Variants in ZDHHC14 observed in about 807,000 individuals in gnomAD.
ZDHHC14 encodes the protein palmitoyltransferase ZDHHC14.
ZDHHC14 carries 16 observed loss-of-function variants against 47.7 expected under a neutral mutation model. That is an observed-to-expected ratio of 0.34 (90% CI 0.23 to 0.51). The LOEUF (loss-of-function observed/expected upper bound fraction) is 0.51. ZDHHC14 is among the 20% of genes least tolerant of loss of function. ZDHHC14 has a pLI of 0.97. For synonymous variants in ZDHHC14, 293 were observed against 278.9 expected (o/e 1.05, Z -0.50); for missense variants, 515 against 662.5 (o/e 0.78, Z 2.44).
At chr6:157,516,234 T>G (rs534211075) in intron 1 of ZDHHC14, among the ~76,000 whole-genome samples, 1 of 152,392 alleles carries the variant, frequency 6.6e-6, no homozygotes, top group Admixed American at 6.5e-5. Context: ...TGTAACTTAT[T>G]ACTACATTCT....
In ZDHHC14 at chr6:157,574,548, T is replaced by A. The variant is rs148235458; in HGVS notation, c.407-18440T>A. Among the ~76,000 whole-genome samples the A allele has an allele frequency of 4.6e-3, 696 of 152,234 alleles. 8 individuals are homozygous for A. Among genetic ancestry groups the A allele is most frequent in the African/African-American group, 0.016 (653 of 41,530 alleles). ...TTGCTCATGGTCAATACCACACCCATGACCTCCTCCCACTCCCCTCACCCA... is the reference window on the plus strand; with the variant it reads ...TTGCTCATGGTCAATACCACACCCAAGACCTCCTCCCACTCCCCTCACCCA... On this transcript the variant is annotated intron_variant, in intron 2 of 8. Coordinates refer to ENST00000359775, the MANE Select transcript of ZDHHC14 (RefSeq NM_024630.3).
intron 1 of ZDHHC14, among the ~76,000 whole-genome samples, chr6:157,401,129 G>T (rs147067764): frequency 0.022 from 3,365 of 152,224 alleles, 136 homozygotes; most frequent in African/African-American, 0.077. Context: ...TTATTTATCA[G>T]ATGCCAAAGC....
At chr6:157,608,235 A>G (rs1022357874) in intron 3 of ZDHHC14, among the ~76,000 whole-genome samples, 1 of 152,120 alleles carries the variant, frequency 6.6e-6, no homozygotes, top group Admixed American at 6.5e-5. Context: ...CACGTCATTC[A>G]TTCACCCTAC....
chr6:157,669,328 G>T (rs1778689263), intron 8 of ZDHHC14, among the ~76,000 whole-genome samples: 1 of 152,034 alleles, frequency 6.6e-6, no homozygotes, highest in Non-Finnish European at 1.5e-5. Context: ...ACAAGAGAGG[G>T]GTGGTGGGGG....
chr6:157,656,165 C>T (rs1337500463), intron 8 of ZDHHC14, among the ~76,000 whole-genome samples: 1 of 152,184 alleles, frequency 6.6e-6, no homozygotes, highest in Non-Finnish European at 1.5e-5. Flanking sequence ...TGCTAGCGTT[C>T]ATTTGCCTAT....
intron 8 of ZDHHC14, among the ~76,000 whole-genome samples, chr6:157,669,188 G>A (rs1204327266): frequency 2.0e-5 from 3 of 152,162 alleles, no homozygotes; most frequent in Admixed American, 6.5e-5. Context: ...GACCACTGCC[G>A]ACAGCCACCT....
At chr6:157,472,507 G>A (rs1392767212) in intron 1 of ZDHHC14, among the ~76,000 whole-genome samples, 1 of 152,032 alleles carries the variant, frequency 6.6e-6, no homozygotes, top group African/African-American at 2.4e-5. Context: ...GGAGTGGAGT[G>A]GAGGCTTGCT....
chr6:157,487,206 C>T (rs1175727790), intron 1 of ZDHHC14, among the ~76,000 whole-genome samples: 1 of 152,176 alleles, frequency 6.6e-6, no homozygotes. Flanking sequence ...GAGTATCATC[C>T]TGGAGGACAT....
intron 3 of ZDHHC14, among the ~76,000 whole-genome samples, chr6:157,610,656 A>G (rs142243411): frequency 4.4e-4 from 67 of 152,286 alleles, no homozygotes; most frequent in African/African-American, 9.1e-4. Context: ...CTTGGTCTCA[A>G]TGTTGGACTT....
intron 1 of ZDHHC14, among the ~76,000 whole-genome samples, chr6:157,520,170 C>T (rs1014267081): frequency 3.3e-5 from 5 of 152,252 alleles, no homozygotes; most frequent in African/African-American, 7.2e-5. Flanking sequence ...GATCTGGGGC[C>T]GTGGCTCTTG....
chr6:157,563,577 C>T lies in ZDHHC14; in HGVS notation c.406+20832C>T, dbSNP rs149467273. Among the ~76,000 whole-genome samples the T allele has an allele frequency of 2.8e-4, 42 of 152,350 alleles. 1 individual carries two copies. The South Asian group carries it at 7.3e-3, about 26-fold the overall frequency. On this transcript the variant is annotated intron_variant, in intron 2 of 8. Transcript: ENST00000359775. ...CAGCCCCAGCAGCTCCGTGTATCCA[C>T]ACTGTGTGTATCCAGAACAAAGCTG...
At chr6:157,612,451 C>G (rs544321459) in intron 3 of ZDHHC14, among the ~76,000 whole-genome samples, 1 of 152,210 alleles carries the variant, frequency 6.6e-6, no homozygotes, top group Non-Finnish European at 1.5e-5. Flanking sequence ...GCTCCAGCCC[C>G]GAGGTCTCCT....
chr6:157,383,988 C>T (rs553371175), intron 1 of ZDHHC14, among the ~76,000 whole-genome samples: 2 of 152,308 alleles, frequency 1.3e-5, no homozygotes, highest in Non-Finnish European at 2.9e-5. Flanking sequence ...GCACTGGAAG[C>T]GTGATGCCAT....
chr6:157,523,069 C>T (rs1190293438), intron 1 of ZDHHC14, among the ~76,000 whole-genome samples: 6 of 150,422 alleles, frequency 4.0e-5, no homozygotes, highest in Non-Finnish European at 5.9e-5. Flanking sequence ...ACATCTAGGG[C>T]GGCTGTGTTG....
intron 2 of ZDHHC14, among the ~76,000 whole-genome samples, chr6:157,546,410 C>G (rs927829503): frequency 5.9e-5 from 9 of 152,178 alleles, no homozygotes; most frequent in Admixed American, 1.3e-4. Flanking sequence ...AATCAGCCAT[C>G]TGAGTAATTT....
chr6:157,661,363 A>C (rs1778336457), intron 8 of ZDHHC14, among the ~76,000 whole-genome samples: 1 of 152,200 alleles, frequency 6.6e-6, no homozygotes, highest in Non-Finnish European at 1.5e-5. Context: ...TTGTCATCTG[A>C]GATACTAATC....
chr6:157,398,559 G>A (rs1026614725), intron 1 of ZDHHC14, among the ~76,000 whole-genome samples: 1 of 152,146 alleles, frequency 6.6e-6, no homozygotes, highest in East Asian at 1.9e-4. Flanking sequence ...CTCCTCCAAA[G>A]AAGATTTTAA....
intron 1 of ZDHHC14, among the ~76,000 whole-genome samples, chr6:157,453,811 T>TGC (rs1554258669): frequency 1.3e-5 from 2 of 152,110 alleles, no homozygotes; most frequent in East Asian, 3.9e-4. Context: ...TGTGTGTGTG[T>TGC]GTGTGTTTGA....
chr6:157,433,486 G>A (rs1030628308), intron 1 of ZDHHC14, among the ~76,000 whole-genome samples: 22 of 152,232 alleles, frequency 1.4e-4, no homozygotes, highest in Non-Finnish European at 7.3e-5. Flanking sequence ...AGGGCTCTGA[G>A]AGTTCAGCCT....
Sources: gnomAD v4.1 joint callset for allele counts (sites outside exome capture counted in the v4.1 genomes callset) on GRCh38, gnomAD v4.1.1 for gene constraint, MANE v1.5 for transcripts, NCBI Gene and HGNC (gene_info 2026-07-23, HGNC 2026-07-21) for gene names.